CTNNA2: variants seen among roughly 807,000 people sequenced by gnomAD.
CTNNA2 encodes the protein catenin alpha-2.
A neutral mutation model predicts 101.0 loss-of-function variants in CTNNA2; 42 were observed. The ratio of observed to expected loss-of-function variants is 0.42; its 90% CI spans 0.32 to 0.54. The LOEUF (loss-of-function observed/expected upper bound fraction) is 0.54. Among genes scored for constraint, CTNNA2 ranks in the 20% least tolerant of loss-of-function variants. The probability of loss-of-function intolerance (pLI) is 0.14; values close to 1 mark genes in which losing one functional copy is unlikely to be tolerated. For synonymous variants in CTNNA2, 450 were observed against 456.4 expected, an observed-to-expected ratio of 0.99 and a Z score of 0.18; for missense variants, 871 against 1,223.1, an observed-to-expected ratio of 0.71 and a Z score of 4.29.
At chr2:79,995,022 C>A (rs2103921700) in intron 7 of CTNNA2, among the ~76,000 whole-genome samples, 1 of 152,214 alleles carries the variant, frequency 6.6e-6, no homozygotes, top group Middle Eastern at 3.4e-3. Flanking sequence ...CATTGGGCAC[C>A]ACAATATGGG....
intron 4 of CTNNA2, among the ~76,000 whole-genome samples, chr2:79,448,528 G>C (rs1300209113): frequency 6.6e-6 from 1 of 152,032 alleles, no homozygotes; most frequent in South Asian, 2.1e-4. Context: ...AGTTGACACA[G>C]AAGACTTTAG....
intron 4 of CTNNA2, among the ~76,000 whole-genome samples, chr2:79,401,042 G>C (rs1327626184): frequency 6.6e-6 from 1 of 151,810 alleles, no homozygotes; most frequent in East Asian, 1.9e-4. Flanking sequence ...TTAAGACACA[G>C]AGAAAACTGA....
intron 2 of CTNNA2, among the ~76,000 whole-genome samples, chr2:79,210,087 A>ATT (rs202046431): frequency 2.8e-4 from 18 of 63,606 alleles, no homozygotes; most frequent in Middle Eastern, 8.2e-3. Flanking sequence ...GTCAAGCTAT[A>ATT]TTGTGTGTGT....
At chr2:80,527,182 C>T (rs1266887690) in intron 9 of CTNNA2, among the ~76,000 whole-genome samples, 2 of 152,196 alleles carry the variant, frequency 1.3e-5, no homozygotes, top group African/African-American at 4.8e-5. Flanking sequence ...TCTCAGATAA[C>T]TCACTTTCAT....
intron 6 of CTNNA2, among the ~76,000 whole-genome samples, chr2:79,878,328 A>G (rs990156366): frequency 6.6e-6 from 1 of 152,186 alleles, no homozygotes; most frequent in Non-Finnish European, 1.5e-5. Context: ...TTGTGTATAT[A>G]CCCAATAATG....
intron 11 of CTNNA2, among the ~76,000 whole-genome samples, chr2:80,550,190 G>A (rs994428965): frequency 6.6e-6 from 1 of 152,176 alleles, no homozygotes; most frequent in Non-Finnish European, 1.5e-5. Context: ...ACAGTGCAGT[G>A]TAGTCCATTA....
At chr2:79,261,908 A>G (rs910419497) in intron 2 of CTNNA2, among the ~76,000 whole-genome samples, 1 of 152,200 alleles carries the variant, frequency 6.6e-6, no homozygotes, top group Non-Finnish European at 1.5e-5. Context: ...GTAGAAGACA[A>G]GTGTTTCAAA....
intron 14 of CTNNA2, among the ~76,000 whole-genome samples, chr2:80,589,068 G>A (rs989537310): frequency 6.6e-6 from 1 of 152,118 alleles, no homozygotes; most frequent in African/African-American, 2.4e-5. Context: ...CAGTGCGCAC[G>A]TAGCTTTGGA....
At chr2:79,527,644 C>T (rs977607759) in intron 1 of CTNNA2, among the ~76,000 whole-genome samples, 7 of 151,024 alleles carry the variant, frequency 4.6e-5, no homozygotes, top group African/African-American at 1.7e-4. Context: ...ATTTAATAAA[C>T]GTTGGTGAGA....
intron 18 of CTNNA2, among the ~76,000 whole-genome samples, chr2:80,627,933 A>G (rs1364882896): frequency 3.3e-5 from 5 of 152,174 alleles, no homozygotes; most frequent in African/African-American, 9.7e-5. Context: ...TACAAAATCA[A>G]TGTGCAAAAA....
At chr2:80,149,327 T>G (rs1355117246) in intron 7 of CTNNA2, among the ~76,000 whole-genome samples, 1 of 152,210 alleles carries the variant, frequency 6.6e-6, no homozygotes, top group Non-Finnish European at 1.5e-5. Context: ...ATAAAATACA[T>G]GTTTTTGATC....
chr2:79,286,162 T>C (rs1306155379), intron 2 of CTNNA2, among the ~76,000 whole-genome samples: 29 of 152,162 alleles, frequency 1.9e-4, no homozygotes, highest in Non-Finnish European at 1.5e-5. Context: ...GCATGTGAGA[T>C]GGGTTTCCTG....
At chr2:80,085,582 A>G (rs1699387885) in intron 7 of CTNNA2, among the ~76,000 whole-genome samples, 1 of 152,086 alleles carries the variant, frequency 6.6e-6, no homozygotes, top group Non-Finnish European at 1.5e-5. Flanking sequence ...TGAATTCTAA[A>G]GGCTGAGTGA....
intron 7 of CTNNA2, among the ~76,000 whole-genome samples, chr2:80,320,729 C>T (rs547877277): frequency 7.7e-4 from 117 of 152,262 alleles, no homozygotes; most frequent in East Asian, 3.3e-3. Flanking sequence ...TAATATTTTA[C>T]GCTTAAATAT....
intron 4 of CTNNA2, among the ~76,000 whole-genome samples, chr2:79,428,362 C>G (rs1331424764): frequency 2.0e-5 from 3 of 152,012 alleles, no homozygotes; most frequent in African/African-American, 7.2e-5. Context: ...CTCCACTCAC[C>G]TGTAGGTATT....
intron 1 of CTNNA2, among the ~76,000 whole-genome samples, chr2:79,557,317 G>A (rs1016740816): frequency 1.3e-5 from 2 of 151,932 alleles, no homozygotes; most frequent in African/African-American, 2.4e-5. Context: ...TATTGTGTTA[G>A]TTGTACTTCA....
chr2:79,419,897 G>T (rs559057169), intron 4 of CTNNA2, among the ~76,000 whole-genome samples: 4 of 152,034 alleles, frequency 2.6e-5, no homozygotes, highest in African/African-American at 9.7e-5. Flanking sequence ...TAATTCTTTT[G>T]TTATTGTTGT....
At chr2:79,219,069 G>T (rs1396470455) in intron 2 of CTNNA2, among the ~76,000 whole-genome samples, 1 of 152,046 alleles carries the variant, frequency 6.6e-6, no homozygotes, top group Non-Finnish European at 1.5e-5. Flanking sequence ...TTTCATATTT[G>T]TATTTATACA....
intron 1 of CTNNA2, among the ~76,000 whole-genome samples, chr2:79,613,918 G>A: frequency 6.6e-6 from 1 of 152,086 alleles, no homozygotes; most frequent in East Asian, 1.9e-4. Context: ...TTTTATAGTT[G>A]AGCAATGAAA....
Sources: allele counts gnomAD v4.1 joint callset (sites outside exome capture counted in the v4.1 genomes callset), GRCh38; gene constraint gnomAD v4.1.1; transcripts MANE v1.5; gene names NCBI Gene and HGNC (gene_info 2026-07-23, HGNC 2026-07-21).